The following NECAB1 variants were observed in gnomAD, a reference collection of about 807,000 sequenced individuals.
The protein encoded by NECAB1 is N-terminal EF-hand calcium-binding protein 1.
In NECAB1, 29 loss-of-function variants were observed where a neutral mutation model predicts 57.5. The ratio of observed to expected loss-of-function variants is 0.50; its 90% confidence interval spans 0.38 to 0.69. The LOEUF (loss-of-function observed/expected upper bound fraction) is 0.69. Ranked by LOEUF, NECAB1 falls within the 30% of genes least tolerant of loss-of-function variation. NECAB1 has a pLI of 0.00. For synonymous variants in NECAB1, 142 were observed against 147.7 expected, an observed-to-expected ratio of 0.96 and a Z score of 0.28; for missense variants, 372 against 413.8, an observed-to-expected ratio of 0.90 and a Z score of 0.88.
At chr8:90,802,420 G>A (rs1811773233) in intron 2 of NECAB1, among the ~76,000 whole-genome samples, 1 of 152,196 alleles carries the variant, frequency 6.6e-6, no homozygotes, top group Non-Finnish European at 1.5e-5. Context: ...CTTTGTCCCA[G>A]AGAACACCAA....
chr8:90,867,639 A>T (rs13279759), intron 3 of NECAB1, among the ~76,000 whole-genome samples: 64,012 of 152,120 alleles, frequency 0.42, 15,477 homozygotes, highest in East Asian at 0.77. Flanking sequence ...GATATAGGTA[A>T]ATAGATTTAT....
intron 3 of NECAB1, among the ~76,000 whole-genome samples, chr8:90,830,245 G>T (rs1426161731): frequency 2.6e-5 from 4 of 152,082 alleles, no homozygotes; most frequent in African/African-American, 4.8e-5. Context: ...GGACAAGAGA[G>T]ATCTCCTGCT....
At chr8:90,837,560 G>A (rs1483237423) in intron 3 of NECAB1, among the ~76,000 whole-genome samples, 2 of 152,140 alleles carry the variant, frequency 1.3e-5, no homozygotes, top group East Asian at 1.9e-4. Flanking sequence ...CTGAAACTAC[G>A]AAAAGTGAAA....
chr8:90,852,371 G>T (rs557172082), intron 3 of NECAB1, among the ~76,000 whole-genome samples: 43 of 150,930 alleles, frequency 2.8e-4, no homozygotes, highest in African/African-American at 1.0e-3. Context: ...TAGCTTCAAG[G>T]TTTGTATTTC....
chr8:90,927,762 G>A (rs1810310134), intron 7 of NECAB1, among the ~76,000 whole-genome samples: 1 of 143,698 alleles, frequency 7.0e-6, no homozygotes, highest in South Asian at 2.1e-4. Flanking sequence ...ATATACTCAA[G>A]TTAGATCCTG....
At chr8:90,840,852 G>C (rs536057462) in intron 3 of NECAB1, among the ~76,000 whole-genome samples, 1 of 150,994 alleles carries the variant, frequency 6.6e-6, no homozygotes, top group South Asian at 2.1e-4. Context: ...TTCTTTGGGG[G>C]ATGTTGCTGC....
intron 5 of NECAB1, 42 bp from the exon 6 acceptor site, chr8:90,917,445 ATTTTT>A: frequency 6.6e-7 from 1 of 1,524,264 alleles, no homozygotes; most frequent in Non-Finnish European, 8.8e-7. Flanking sequence ...AATCCTGGGT[ATTTTT>A]TTCTACCATA....
At chr8:90,839,420 G>A (rs1021435530) in intron 3 of NECAB1, among the ~76,000 whole-genome samples, 1 of 152,186 alleles carries the variant, frequency 6.6e-6, no homozygotes, top group Admixed American at 6.5e-5. Flanking sequence ...GCAAGTTATT[G>A]TACCAGCTAC....
intron 5 of NECAB1, among the ~76,000 whole-genome samples, chr8:90,896,123 G>C (rs1326094521): frequency 1.3e-5 from 2 of 152,106 alleles, no homozygotes; most frequent in Admixed American, 1.3e-4. Context: ...TCGATGCAGA[G>C]GTTCATAAAA....
chr8:90,844,463 A>T (rs1023873530), intron 3 of NECAB1, among the ~76,000 whole-genome samples: 2 of 152,120 alleles, frequency 1.3e-5, no homozygotes, highest in Non-Finnish European at 2.9e-5. Flanking sequence ...CAGACATATC[A>T]TGCAGATATG....
chr8:90,861,531 A>T (rs549213192), intron 3 of NECAB1, among the ~76,000 whole-genome samples: 1 of 152,282 alleles, frequency 6.6e-6, no homozygotes, highest in Non-Finnish European at 1.5e-5. Flanking sequence ...CATATGGTTA[A>T]GAGTAAAGGA....
intron 8 of NECAB1, among the ~76,000 whole-genome samples, chr8:90,929,545 T>C (rs190503958): frequency 6.6e-6 from 1 of 152,094 alleles, no homozygotes; most frequent in African/African-American, 2.4e-5. Flanking sequence ...ATTTCCAGTC[T>C]GTTGGCCTTC....
At chr8:90,837,106 A>G (rs948160926) in intron 3 of NECAB1, among the ~76,000 whole-genome samples, 4 of 152,376 alleles carry the variant, frequency 2.6e-5, no homozygotes, top group African/African-American at 9.6e-5. Flanking sequence ...TTAATGGGAA[A>G]TTAACCTTTA....
At chr8:90,850,400 A>T (rs1165829942) in intron 3 of NECAB1, among the ~76,000 whole-genome samples, 2 of 152,250 alleles carry the variant, frequency 1.3e-5, no homozygotes, top group Non-Finnish European at 2.9e-5. Flanking sequence ...GTAAGGAATC[A>T]GTAAAATTAA....
intron 3 of NECAB1, among the ~76,000 whole-genome samples, chr8:90,856,893 G>A (rs1425557038): frequency 6.6e-6 from 1 of 152,100 alleles, no homozygotes; most frequent in Non-Finnish European, 1.5e-5. Context: ...AAGTAACGCG[G>A]CAACTTTTAG....
chr8:90,896,491 G>C (rs1238523581), intron 5 of NECAB1, among the ~76,000 whole-genome samples: 1 of 152,046 alleles, frequency 6.6e-6, no homozygotes, highest in Non-Finnish European at 1.5e-5. Context: ...TGTAGTCCCA[G>C]CTACTCAGGA....
At chr8:90,883,458 C>T (rs1441121307) in intron 5 of NECAB1, among the ~76,000 whole-genome samples, 1 of 152,090 alleles carries the variant, frequency 6.6e-6, no homozygotes, top group East Asian at 1.9e-4. Context: ...AAAGTCCTGT[C>T]TCAGTAGGAA....
chr8:90,815,564 C>T lies in NECAB1; in HGVS notation c.125-9153C>T, dbSNP rs75680810. Among the ~76,000 whole-genome samples the T allele has an allele frequency of 6.3e-4, 96 of 152,058 alleles. 1 individual carries two copies. The East Asian group carries it at 0.014, about 22-fold the overall frequency. ...CTATTCACCCCTCCCTCCAACCTCC[C>T]CAAACTCCTGACAACCACTGATCTT... On this transcript the variant is annotated intron_variant, in intron 2 of 12. Coordinates refer to ENST00000417640, the MANE Select transcript of NECAB1 (RefSeq NM_022351.5).
At chr8:90,908,957 G>A (rs568808512) in intron 5 of NECAB1, among the ~76,000 whole-genome samples, 20 of 152,032 alleles carry the variant, frequency 1.3e-4, no homozygotes, top group African/African-American at 3.1e-4. Flanking sequence ...TCTTGCAATC[G>A]CTTTTATTTA....
Sources: allele counts gnomAD v4.1 joint callset (sites outside exome capture counted in the v4.1 genomes callset), GRCh38; gene constraint gnomAD v4.1.1; transcripts MANE v1.5; gene names NCBI Gene and HGNC (gene_info 2026-07-23, HGNC 2026-07-21).